The following BICRA variants were observed in gnomAD, a reference collection of about 807,000 sequenced individuals.
BICRA encodes BRD4 interacting chromatin remodeling complex associated protein.
A neutral mutation model predicts 96.9 loss-of-function variants in BICRA; 31 were observed. The ratio of observed to expected loss-of-function variants is 0.32; its 90% CI spans 0.24 to 0.43. The LOEUF is 0.43. BICRA is among the 20% of genes least tolerant of loss of function. The probability of loss-of-function intolerance (pLI) is 1.00; values close to 1 mark genes in which losing one functional copy is unlikely to be tolerated. For synonymous variants in BICRA, 1,350 were observed against 1,071.8 expected, an observed-to-expected ratio of 1.26 and a Z score of -5.07; for missense variants, 2,283 against 2,190.3, an observed-to-expected ratio of 1.04 and a Z score of -0.84.
intron 7 of BICRA, among the ~76,000 whole-genome samples, chr19:47,684,511 G>A (rs1483340440): frequency 1.3e-5 from 2 of 151,992 alleles, no homozygotes; most frequent in African/African-American, 2.4e-5. Context: ...AGAGAGATGG[G>A]GTTTCGCCAT....
intron 14 of BICRA, chr19:47,700,977 T>TA: frequency 2.8e-6 from 1 of 351,790 alleles, no homozygotes; most frequent in Non-Finnish European, 5.2e-6. Flanking sequence ...GGGGTCTCAC[T>TA]ACTGTGGCCA....
rs549353928 is a variant in BICRA at position 47,682,919 on chromosome 19, G to T, written c.2283+767G>T. Among the ~76,000 whole-genome samples, 16 of 152,202 alleles carry T rather than the reference G, an allele frequency of 1.1e-4. No homozygotes were observed. In the South Asian group the frequency reaches 1.5e-3, roughly 14 times the overall value. On this transcript the variant is annotated intron_variant, in intron 7 of 14. Transcript: ENST00000594866. ...ACTCCAGACCTCAAGTGATCCGCCC[G>T]CCTCAGCCTCCCAAAGTGCTGAGAT... is the stretch of plus-strand genomic sequence containing the variant.
At chr19:47,681,299 G>C in intron 6 of BICRA, 23 bp downstream of exon 6, 1 of 1,539,716 alleles carries the variant, frequency 6.5e-7, no homozygotes, top group Non-Finnish European at 8.7e-7. Flanking sequence ...GGGCAAGGGA[G>C]CAGGTACCGG....
Position 47,694,204 on chromosome 19 carries a change from G to GGCCAAC in BICRA, c.2373_2374insGCCAAC (p.Leu791_Pro792insAlaAsn). 1 of 1,119,700 alleles carries GGCCAAC rather than the reference G, an allele frequency of 8.9e-7. No individual in the cohort carries two copies. Among genetic ancestry groups the GGCCAAC allele is most frequent in the Non-Finnish European group, 1.1e-6 (1 of 884,584 alleles). The allele number at this position is 1,119,700 out of a possible 1,614,324, so 69.4% of individuals were successfully genotyped here. A position where few individuals can be genotyped will look rare whatever the true frequency, so the allele number is the denominator to read the frequency against. The stretch of plus-strand genomic sequence containing the variant: ...CCCCTCTGGGGGACAGCCCCCACCT[G>GGCCAAC]CCCTCCCCACACCCCACCCGGCCCC... On this transcript the variant is annotated inframe_insertion, in exon 8 of 15. Coordinates refer to ENST00000594866, the MANE Select transcript of BICRA (RefSeq NM_001394372.1).
At chr19:47,658,315 AG>A (rs1203894710) in intron 1 of BICRA, among the ~76,000 whole-genome samples, 1 of 152,082 alleles carries the variant, frequency 6.6e-6, no homozygotes, top group Non-Finnish European at 1.5e-5. Context: ...CCACTTGGTC[AG>A]GGGCCTGGAC....
chr19:47,696,524 C>A lies in BICRA; in HGVS notation c.3248+12C>A, dbSNP rs748035563. The A allele has an allele frequency of 2.5e-6, 4 of 1,594,886 alleles. No individual in the cohort carries two copies. In the East Asian group the frequency reaches 9.1e-5, roughly 36 times the overall value. ...AGCAAGGAAGCCTGGTGAGTCCACA[C>A]CCCATCCTTGCATGCCTGCCCTGTA... On this transcript the variant is annotated intron_variant, in intron 11 of 14. Coordinates refer to ENST00000594866, the MANE Select transcript of BICRA (RefSeq NM_001394372.1).
At chr19:47,679,297 CT>C in intron 5 of BICRA, 23 bp from the exon 6 acceptor site, 1 of 1,417,416 alleles carries the variant, frequency 7.1e-7, no homozygotes, top group Non-Finnish European at 9.2e-7. Flanking sequence ...CAGCTCTTTC[CT>C]TCCCACCTTT....
intron 1 of BICRA, among the ~76,000 whole-genome samples, chr19:47,630,447 C>A (rs149505532): frequency 6.6e-6 from 1 of 152,162 alleles, no homozygotes; most frequent in African/African-American, 2.4e-5. Flanking sequence ...GCTGGGATTA[C>A]AGGTGTGAGC....
chr19:47,626,829 C>T (rs1454222054), intron 1 of BICRA, among the ~76,000 whole-genome samples: 1 of 150,290 alleles, frequency 6.7e-6, no homozygotes, highest in Admixed American at 6.7e-5. Flanking sequence ...TCAAGCAACT[C>T]TCCTGCCTCA....
At position 47,698,422 on chromosome 19, in the gene BICRA, G is replaced by A. The variant is rs948853991; in HGVS notation, c.3249-212G>A. On this transcript the variant is annotated intron_variant, in intron 11 of 14. Coordinates refer to ENST00000594866, the MANE Select transcript of BICRA (RefSeq NM_001394372.1). This position sits in a 1 kb window ranked among gnomAD's most constrained non-coding sequence, Gnocchi z 4.8. ...CCTCACCTTCCCTTTCTGTAAAATG[G>A]GGATAGCGATAGCACTGCTTTGGTC... 2.0e-5 allele frequency among the ~76,000 whole-genome samples: 3 copies of A among 152,158 alleles called. No homozygotes were observed. The highest frequency in any genetic ancestry group is 3.9e-4 in the East Asian group (2 of 5,182).
intron 1 of BICRA, among the ~76,000 whole-genome samples, chr19:47,609,614 C>T (rs971227486): frequency 6.6e-6 from 1 of 151,688 alleles, no homozygotes; most frequent in Non-Finnish European, 1.5e-5. Flanking sequence ...CGGAGACCCC[C>T]TCCCCGTCCC....
chr19:47,634,855 C>T (rs773657784), intron 1 of BICRA, among the ~76,000 whole-genome samples: 5 of 150,402 alleles, frequency 3.3e-5, no homozygotes, highest in African/African-American at 7.4e-5. Flanking sequence ...CTCTGCTTCC[C>T]GGGTTTACGC....
Position 47,701,956 on chromosome 19 carries a change from G to A in BICRA, c.4224G>A (p.Arg1408=), listed in dbSNP as rs1333702604. The A allele has an allele frequency of 6.9e-7, 1 of 1,452,940 alleles. No individual in the cohort carries two copies. The highest frequency in any genetic ancestry group is 1.3e-5 in the South Asian group (1 of 74,578). 90.0% of individuals were successfully genotyped at this position (1,452,940 alleles called of 1,614,324 possible). Residue 1408 remains arginine (R), a synonymous_variant, in exon 15 of 15, where the codon AGG becomes AGA. Transcript: ENST00000594866. This position sits in a 1 kb window ranked among gnomAD's most constrained non-coding sequence, Gnocchi z 5.4. Reference sequence around the variant, plus strand: ...CGCCGGAGGGGACGCCCGCAGGCAGGGCACGGGGAGGCAGCCCGGCGCCGC... The same window carrying A: ...CGCCGGAGGGGACGCCCGCAGGCAGAGCACGGGGAGGCAGCCCGGCGCCGC... The part of the protein sequence containing the change: ...PGAPEGTPAG[R]ARGGSPAPLP...
At chr19:47,630,253 T>A (rs905241326) in intron 1 of BICRA, among the ~76,000 whole-genome samples, 2 of 148,088 alleles carry the variant, frequency 1.4e-5, no homozygotes, top group African/African-American at 5.0e-5. Flanking sequence ...CTCCGCCTCC[T>A]GGGTTCACGC....
rs375417388 is a variant in BICRA at position 47,695,438 on chromosome 19, C to T, written c.3150C>T (p.Ala1050=). The stretch of plus-strand genomic sequence containing the variant: ...TCCCGACCCTGAATGTGGCCAAGGC[C>T]GCTTCCTCCGGGCCAGGGAAGCCCT... The part of the protein sequence containing the change: ...SNLPTLNVAK[A]ASSGPGKPSG... The change falls in exon 10 of 15, where the codon GCC becomes GCT. Residue 1050 remains alanine, a synonymous_variant. Transcript: ENST00000594866. 15 of 1,596,240 alleles carry T rather than the reference C, an allele frequency of 9.4e-6. 1 individual carries two copies. The highest frequency in any genetic ancestry group is 3.4e-5 in the South Asian group (3 of 88,110).
In BICRA at chr19:47,682,656, C is replaced by A. The variant is rs189273255; in HGVS notation, c.2283+504C>A. On this transcript the variant is annotated intron_variant, in intron 7 of 14. Coordinates refer to ENST00000594866, the MANE Select transcript of BICRA (RefSeq NM_001394372.1). ...ATTATTTAAAAATTGATCTTGGAGACCATTCTTCATTCTCTCTCTCTTTTT... is the reference window on the plus strand; with the variant it reads ...ATTATTTAAAAATTGATCTTGGAGAACATTCTTCATTCTCTCTCTCTTTTT... 2.0e-5 allele frequency among the ~76,000 whole-genome samples: 3 copies of A among 150,866 alleles called. No homozygotes were observed. The East Asian group carries it at 5.9e-4, about 30-fold the overall frequency.
In BICRA at chr19:47,680,921, A is replaced by G. The variant is rs1214523463; in HGVS notation, c.1751A>G (p.Gln584Arg). 6 of 1,480,684 alleles carry G rather than the reference A, an allele frequency of 4.1e-6. No homozygotes were observed. Among genetic ancestry groups the G allele is most frequent in the Non-Finnish European group, 5.3e-6 (6 of 1,127,604 alleles). The allele number at this position is 1,480,684 out of a possible 1,614,324, so 91.7% of individuals were successfully genotyped here. The change falls in exon 6 of 15, where the codon CAG becomes CGG. Residue 584 changes from glutamine (Q) to arginine (R), a missense_variant. Coordinates refer to ENST00000594866, the MANE Select transcript of BICRA (RefSeq NM_001394372.1). ...PAGPAATTVLQGVTLPPSAVA... is the reference protein window; with the variant it reads ...PAGPAATTVLRGVTLPPSAVA... ...GGGCCGGCCGCCACCACTGTCCTCCAGGGGGTCACCCTGCCCCCCAGCGCC... is the reference window on the plus strand; with the variant it reads ...GGGCCGGCCGCCACCACTGTCCTCCGGGGGGTCACCCTGCCCCCCAGCGCC...
chr19:47,685,770 T>TGC (rs1568573130), intron 7 of BICRA, among the ~76,000 whole-genome samples: 2 of 132,950 alleles, frequency 1.5e-5, no homozygotes, highest in Non-Finnish European at 3.1e-5. Flanking sequence ...TGTGTGTGTG[T>TGC]GTGTGTGTGT....
intron 1 of BICRA, among the ~76,000 whole-genome samples, chr19:47,646,215 T>C (rs143369569): frequency 6.6e-6 from 1 of 152,288 alleles, no homozygotes; most frequent in African/African-American, 2.4e-5. Context: ...GCATGCGGAA[T>C]GCTCTGCCCA....
Sources: allele counts gnomAD v4.1 joint callset (sites outside exome capture counted in the v4.1 genomes callset), GRCh38; gene constraint gnomAD v4.1.1; non-coding constraint Gnocchi (gnomAD v3.1); transcripts MANE v1.5; gene names NCBI Gene and HGNC (gene_info 2026-07-23, HGNC 2026-07-21).